SPATA1: variants seen among roughly 807,000 people sequenced by gnomAD.
SPATA1 encodes the protein spermatogenesis-associated protein 1.
In SPATA1, 57 loss-of-function variants were observed where a neutral mutation model predicts 59.6. The observed-to-expected ratio is 0.96, with a 90% CI of 0.77 to 1.19. The LOEUF (loss-of-function observed/expected upper bound fraction) is 1.19. Among genes scored for constraint, SPATA1 ranks in the 50% most tolerant of loss-of-function variants. The probability of loss-of-function intolerance (pLI) is 0.00; values close to 1 mark genes in which losing one functional copy is unlikely to be tolerated. For synonymous variants in SPATA1, 147 were observed against 163.9 expected, an observed-to-expected ratio of 0.90 and a Z score of 0.79; for missense variants, 448 against 480.7, an observed-to-expected ratio of 0.93 and a Z score of 0.64.
intron 6 of SPATA1, among the ~76,000 whole-genome samples, chr1:84,529,858 C>A (rs1487408476): frequency 8.5e-6 from 1 of 117,528 alleles, no homozygotes; most frequent in East Asian, 2.5e-4. Context: ...AGCCTAAACT[C>A]TTTTTTTTTT....
exon 6 of SPATA1, chr1:84,526,023 G>C: frequency 1.2e-6 from 2 of 1,613,190 alleles, no homozygotes; most frequent in Non-Finnish European, 1.7e-6. Flanking sequence ...AGAGATCCCA[G>C]TTTGTTAGAA....
intron 9 of SPATA1, among the ~76,000 whole-genome samples, chr1:84,544,685 C>T (rs1345757837): frequency 6.6e-6 from 1 of 151,696 alleles, no homozygotes; most frequent in Non-Finnish European, 1.5e-5. Context: ...CTCAGCCTCC[C>T]GAGTAGCTGG....
chr1:84,533,424 TAAAC>T (rs1251572025), intron 7 of SPATA1, among the ~76,000 whole-genome samples: 1 of 152,054 alleles, frequency 6.6e-6, no homozygotes, highest in Non-Finnish European at 1.5e-5. Flanking sequence ...AAAAGAACAA[TAAAC>T]AAATATGTTT....
chr1:84,526,047 A>C (rs1314146637), exon 6 of SPATA1: 1 of 1,611,686 alleles, frequency 6.2e-7, no homozygotes. Flanking sequence ...ACTTTGAAAG[A>C]GCTTCCTAAC....
chr1:84,530,018 G>C (rs1222116010), intron 6 of SPATA1, among the ~76,000 whole-genome samples: 1 of 151,954 alleles, frequency 6.6e-6, no homozygotes, highest in East Asian at 1.9e-4. Flanking sequence ...AGCCATGCCC[G>C]GCTAATTTTT....
rs548202790 is a variant in SPATA1, at chr1:84,510,394, G to A, written c.-138+3976G>A. Among the ~76,000 whole-genome samples, 5 of 152,214 alleles carry A rather than the reference G, an allele frequency of 3.3e-5. No individual in the cohort carries two copies. In the South Asian group the frequency reaches 8.3e-4, roughly 25 times the overall value. Reference sequence around the variant, plus strand: ...AAGAAGACTTACAAATGGCAAACAGGTATATGAAAAGGTATTCAACATCAC... The same window carrying A: ...AAGAAGACTTACAAATGGCAAACAGATATATGAAAAGGTATTCAACATCAC... On this transcript the variant is annotated intron_variant, in intron 1 of 12. Coordinates refer to ENST00000490879, the Ensembl canonical transcript of SPATA1.
intron 10 of SPATA1, among the ~76,000 whole-genome samples, chr1:84,548,497 T>A (rs1204276878): frequency 6.7e-6 from 1 of 148,202 alleles, no homozygotes; most frequent in Non-Finnish European, 1.5e-5. Flanking sequence ...TATATATTAC[T>A]ATTCAATGTA....
intron 8 of SPATA1, among the ~76,000 whole-genome samples, chr1:84,536,578 G>A (rs541067402): frequency 3.5e-4 from 54 of 152,134 alleles, no homozygotes; most frequent in Admixed American, 6.5e-4. Context: ...CGAGTAGTTG[G>A]GACTACAGGT....
chr1:84,521,196 G>C (rs1386680129), intron 3 of SPATA1, among the ~76,000 whole-genome samples: 3 of 151,474 alleles, frequency 2.0e-5, no homozygotes, highest in African/African-American at 7.3e-5. Context: ...CGGAAGGAAG[G>C]GAGGGAGGGA....
intron 4 of SPATA1, 61 bp from the exon 14 acceptor site, chr1:84,565,800 T>C (rs753887233): frequency 2.8e-6 from 3 of 1,061,720 alleles, no homozygotes; most frequent in Non-Finnish European, 3.7e-6. Flanking sequence ...TTATAGAATA[T>C]TATTAATATT....
chr1:84,548,972 T>C lies in SPATA1; in HGVS notation c.1125+8T>C, dbSNP rs1684187774. The C allele has an allele frequency of 1.3e-6, 2 of 1,556,366 alleles. No homozygotes were observed. The highest frequency in any genetic ancestry group is 1.7e-6 in the Non-Finnish European group (2 of 1,154,310). On this transcript the variant is annotated splice_region_variant and intron_variant, in intron 11 of 12. Transcript: ENST00000490879. Reference sequence around the variant, plus strand: ...AACATCACAGACTCCAAGGTATTACTAAATGTATCCCCCTTCCGTTAGAGA... The same window carrying C: ...AACATCACAGACTCCAAGGTATTACCAAATGTATCCCCCTTCCGTTAGAGA...
At chr1:84,511,092 A>G (rs1268174517) in intron 1 of SPATA1, among the ~76,000 whole-genome samples, 2 of 152,228 alleles carry the variant, frequency 1.3e-5, no homozygotes, top group Admixed American at 1.3e-4. Flanking sequence ...AGTATTTGAT[A>G]GCACAAAAGG....
At chr1:84,513,586 C>T (rs1460891804) in intron 1 of SPATA1, among the ~76,000 whole-genome samples, 1 of 152,182 alleles carries the variant, frequency 6.6e-6, no homozygotes, top group Non-Finnish European at 1.5e-5. Context: ...GAAACTGTCA[C>T]GCTAATAGGT....
exon 2 of SPATA1, chr1:84,516,268 T>TA: frequency 8.6e-7 from 1 of 1,160,422 alleles, no homozygotes; most frequent in East Asian, 3.0e-5. Context: ...AAAAAACTAT[T>TA]ATAATTTTTA....
intron 1 of SPATA1, among the ~76,000 whole-genome samples, chr1:84,508,518 A>G (rs1682385883): frequency 6.6e-6 from 1 of 152,220 alleles, no homozygotes; most frequent in African/African-American, 2.4e-5. Context: ...TCTTTTAGCA[A>G]TAAATGCCAA....
chr1:84,521,930 C>G (rs751609812), intron 3 of SPATA1, among the ~76,000 whole-genome samples: 1 of 152,122 alleles, frequency 6.6e-6, no homozygotes, highest in Admixed American at 6.6e-5. Context: ...TATTCAGGAG[C>G]AAAGTATCCC....
chr1:84,534,270 G>A (rs1683588831), intron 8 of SPATA1, among the ~76,000 whole-genome samples: 2 of 152,000 alleles, frequency 1.3e-5, no homozygotes, highest in Admixed American at 1.3e-4. Flanking sequence ...AAGAAATGAT[G>A]GAAAGACTAG....
chr1:84,525,981 T>G (rs759558649), exon 6 of SPATA1: 5 of 1,613,706 alleles, frequency 3.1e-6, no homozygotes, highest in Non-Finnish European at 4.2e-6. Context: ...CACAGACCAA[T>G]TAGTGTAACT....
At chr1:84,536,260 T>C (rs187298133) in intron 8 of SPATA1, among the ~76,000 whole-genome samples, 1 of 152,356 alleles carries the variant, frequency 6.6e-6, no homozygotes, top group East Asian at 1.9e-4. Flanking sequence ...CTGGATTTAA[T>C]GTGCTAGCTC....
Sources: gnomAD v4.1 joint callset for allele counts (sites outside exome capture counted in the v4.1 genomes callset) on GRCh38, gnomAD v4.1.1 for gene constraint, MANE v1.5 for transcripts, NCBI Gene and HGNC (gene_info 2026-07-23, HGNC 2026-07-21) for gene names.